JAKMIP3: variants seen among roughly 807,000 people sequenced by gnomAD.
The protein encoded by JAKMIP3 is janus kinase and microtubule-interacting protein 3.
Under a neutral mutation model 118.5 loss-of-function variants are expected in JAKMIP3, and 58 were observed. The ratio of observed to expected loss-of-function variants is 0.49; its 90% confidence interval spans 0.40 to 0.61. The LOEUF is 0.61. JAKMIP3 is among the 20% of genes least tolerant of loss of function. JAKMIP3 has a pLI of 0.00. For missense variants in JAKMIP3, 950 were observed against 1,109.0 expected (o/e 0.86, Z 2.04); for synonymous variants, 486 against 451.2 (o/e 1.08, Z -0.98).
chr10:132,167,607 C>T (rs1410882735), intron 22 of JAKMIP3, among the ~76,000 whole-genome samples: 1 of 152,282 alleles, frequency 6.6e-6, no homozygotes, highest in East Asian at 1.9e-4. Flanking sequence ...TCCTTCCAAA[C>T]TGGAGGAGGG....
chr10:132,184,509 T>A lies in JAKMIP3; in HGVS notation c.*3256T>A, dbSNP rs994156029. 1.3e-5 allele frequency: 2 copies of A among 152,222 alleles called. No homozygotes were observed. The highest frequency in any genetic ancestry group is 2.4e-5 in the African/African-American group (1 of 41,470). The allele number at this position is 152,222 out of a possible 1,614,324, so 9.4% of individuals were successfully genotyped here. ...GGTATCAAATCATATATTTGTTTAC[T>A]GTATATTTTTTAAAAAGCTTTATTG... On this transcript the variant is annotated 3_prime_UTR_variant, in exon 24 of 24. Transcript: ENST00000684848.
chr10:132,146,141 A>ACCCCCC (rs2054563743), intron 13 of JAKMIP3, among the ~76,000 whole-genome samples: 1 of 27,832 alleles, frequency 3.6e-5, no homozygotes. Context: ...CCCCACCCCC[A>ACCCCCC]CCCCCACCCC....
intron 1 of JAKMIP3, among the ~76,000 whole-genome samples, chr10:132,100,152 C>T (rs1305106737): frequency 6.6e-6 from 1 of 152,228 alleles, no homozygotes; most frequent in Non-Finnish European, 1.5e-5. Context: ...CCACAGTGTG[C>T]TGCCCTCACA....
chr10:132,051,750 C>T (rs531802141), intron 1 of JAKMIP3, among the ~76,000 whole-genome samples: 1 of 152,276 alleles, frequency 6.6e-6, no homozygotes, highest in East Asian at 1.9e-4. Flanking sequence ...AGACCAGAGG[C>T]ATCGGCAATC....
intron 22 of JAKMIP3, 145 bp from the exon 23 acceptor site, chr10:132,167,808 C>G (rs1260925531): frequency 4.6e-6 from 2 of 431,600 alleles, no homozygotes; most frequent in African/African-American, 4.8e-5. Flanking sequence ...TCGGTCCTCA[C>G]CCCTCACCCC....
chr10:132,123,868 A>AGG (rs2049009470), intron 3 of JAKMIP3, among the ~76,000 whole-genome samples: 1 of 152,122 alleles, frequency 6.6e-6, no homozygotes, highest in Admixed American at 6.5e-5. Context: ...GCAAATGATG[A>AGG]GGGGGTCCCT....
Position 132,168,523 on chromosome 10 carries a change from C to A in JAKMIP3, c.*593C>A. The A allele has an allele frequency of 3.7e-6, 2 of 542,682 alleles. No individual in the cohort carries two copies. Among genetic ancestry groups the A allele is most frequent in the Admixed American group, 3.5e-5 (1 of 28,708 alleles). 33.6% of individuals were successfully genotyped at this position (542,682 alleles called of 1,614,324 possible). On this transcript the variant is annotated 3_prime_UTR_variant, in exon 23 of 24. Coordinates refer to ENST00000684848, the MANE Select transcript of JAKMIP3 (RefSeq NM_001323087.2). The stretch of plus-strand genomic sequence containing the variant: ...TGCAATATGTTGCTGGGGTCCTGAG[C>A]ACCCGCTGGCCAACAGACCCCACAT...
chr10:132,056,084 G>A (rs1461813320), intron 1 of JAKMIP3, among the ~76,000 whole-genome samples: 1 of 152,148 alleles, frequency 6.6e-6, no homozygotes, highest in African/African-American at 2.4e-5. Context: ...GCTTGTTTGT[G>A]GTCAGTTTGT....
At chr10:132,116,503 G>GGT (rs1253997014) in intron 2 of JAKMIP3, among the ~76,000 whole-genome samples, 1 of 144,290 alleles carries the variant, frequency 6.9e-6, no homozygotes, top group African/African-American at 2.6e-5. Context: ...TGCACATTCA[G>GGT]GTGTGAGTGT....
At position 132,138,311 on chromosome 10, in the gene JAKMIP3, T is replaced by C. The variant is rs2052337866; in HGVS notation, c.1344+133T>C. ...GTGTACGTGGAGGGCGCTGGGTGTG[T>C]GTGCCGAGGACCGCGCCCACGTGTG... On this transcript the variant is annotated intron_variant, in intron 9 of 23. Coordinates refer to ENST00000684848, the MANE Select transcript of JAKMIP3 (RefSeq NM_001323087.2). 3 of 762,364 alleles carry C rather than the reference T, an allele frequency of 3.9e-6. No homozygotes were observed. In the East Asian group the frequency reaches 8.8e-5, roughly 22 times the overall value. The allele number at this position is 762,364 out of a possible 1,614,324, so 47.2% of individuals were successfully genotyped here.
intron 1 of JAKMIP3, among the ~76,000 whole-genome samples, chr10:132,046,461 G>GGA (rs576732229): frequency 6.8e-6 from 1 of 147,710 alleles, no homozygotes; most frequent in African/African-American, 2.5e-5. Flanking sequence ...GTCTCAAAAA[G>GGA]AAAAAAAAAA....
chr10:132,041,103 T>G (rs1324604631), intron 1 of JAKMIP3, among the ~76,000 whole-genome samples: 25 of 152,160 alleles, frequency 1.6e-4, no homozygotes. Flanking sequence ...CCAGGCTGGA[T>G]GGAGTACAGT....
intron 1 of JAKMIP3, among the ~76,000 whole-genome samples, chr10:132,056,093 G>A (rs1391968931): frequency 6.6e-6 from 1 of 152,124 alleles, no homozygotes; most frequent in East Asian, 1.9e-4. Context: ...TGGTCAGTTT[G>A]TGTTTGTCTT....
intron 21 of JAKMIP3, among the ~76,000 whole-genome samples, chr10:132,165,491 G>A (rs1373733136): frequency 2.6e-5 from 4 of 152,188 alleles, no homozygotes; most frequent in Non-Finnish European, 4.4e-5. Flanking sequence ...TCTGCTATGC[G>A]GTGGAGCTCA....
chr10:132,054,481 G>A (rs529881586), intron 1 of JAKMIP3, among the ~76,000 whole-genome samples: 37 of 152,270 alleles, frequency 2.4e-4, no homozygotes, highest in African/African-American at 8.4e-4. Flanking sequence ...AGAGGTTAGG[G>A]GCTAGCTTGG....
At chr10:132,134,816 G>A (rs1394628937) in intron 4 of JAKMIP3, among the ~76,000 whole-genome samples, 1 of 152,254 alleles carries the variant, frequency 6.6e-6, no homozygotes, top group Admixed American at 6.5e-5. Flanking sequence ...GTGTGAGGTA[G>A]GGTCTCGCTC....
chr10:132,153,120 C>A (rs1589965990), intron 17 of JAKMIP3, 97 bp downstream of exon 17: 1 of 1,019,972 alleles, frequency 9.8e-7, no homozygotes, highest in Non-Finnish European at 1.5e-6. Flanking sequence ...GGAGGGCCTG[C>A]AGGGCCGGGT....
chr10:132,131,415 TG>T (rs2135657941), intron 3 of JAKMIP3, among the ~76,000 whole-genome samples: 1 of 126,218 alleles, frequency 7.9e-6, no homozygotes, highest in East Asian at 2.4e-4. Flanking sequence ...TGGGAGCTTA[TG>T]GGGTGAGGGT....
chr10:132,163,188 G>A, intron 19 of JAKMIP3, 21 bp from the exon 20 acceptor site: 1 of 1,546,316 alleles, frequency 6.5e-7, no homozygotes, highest in Non-Finnish European at 8.7e-7. Context: ...AAGGACTAAG[G>A]CGTCTCCCCT....
Sources: gnomAD v4.1 joint callset for allele counts (sites outside exome capture counted in the v4.1 genomes callset) on GRCh38, gnomAD v4.1.1 for gene constraint, MANE v1.5 for transcripts, NCBI Gene and HGNC (gene_info 2026-07-23, HGNC 2026-07-21) for gene names.